Variants in SLX4 observed in about 807,000 individuals in gnomAD.
SLX4 encodes structure-specific endonuclease subunit SLX4.
A neutral mutation model predicts 146.2 loss-of-function variants in SLX4; 112 were observed. That is an observed-to-expected ratio of 0.77 (90% CI 0.66 to 0.90). The LOEUF (loss-of-function observed/expected upper bound fraction) is 0.90, where lower values mean the gene tolerates loss of function less well. Among genes scored for constraint, SLX4 ranks in the 40% least tolerant of loss-of-function variants. The pLI is 0.00. For synonymous variants in SLX4, 1,061 were observed against 997.7 expected (o/e 1.06, Z -1.20); for missense variants, 2,563 against 2,392.7 (o/e 1.07, Z -1.49).
At chr16:3,602,500 C>T (rs1043778097) in intron 3 of SLX4, among the ~76,000 whole-genome samples, 193 bp from the exon 4 acceptor site, 1 of 152,214 alleles carries the variant, frequency 6.6e-6, no homozygotes, top group African/African-American at 2.4e-5. Context: ...ACTCCGGGAA[C>T]AGCCGTCTCC....
At position 3,591,311 on chromosome 16, in the gene SLX4, C is replaced by A; in HGVS notation, c.2328-1G>T. On this transcript the variant is annotated splice_acceptor_variant, in intron 11 of 14. Transcript: ENST00000294008. LOFTEE classifies it high-confidence loss of function. Reference sequence around the variant, plus strand: ...GTGAACGAGCTCACTCACGCCAAACCTGCAACACGAAACATCGACAGTCAT... The same window carrying A: ...GTGAACGAGCTCACTCACGCCAAACATGCAACACGAAACATCGACAGTCAT... The A allele has an allele frequency of 6.2e-7, 1 of 1,610,544 alleles. No individual in the cohort carries two copies. Among genetic ancestry groups the A allele is most frequent in the Non-Finnish European group, 8.5e-7 (1 of 1,180,022 alleles).
intron 13 of SLX4, among the ~76,000 whole-genome samples, chr16:3,584,135 G>C (rs2040477723): frequency 1.3e-5 from 2 of 151,472 alleles, no homozygotes; most frequent in Admixed American, 1.3e-4. Context: ...AAAAAAATCA[G>C]GCCTCCGCCG....
chr16:3,587,476 C>T (rs1169297256), intron 12 of SLX4, among the ~76,000 whole-genome samples: 2 of 152,272 alleles, frequency 1.3e-5, no homozygotes, highest in African/African-American at 2.4e-5. Flanking sequence ...AGCCTGGTGA[C>T]ACATTGGAAA....
Position 3,590,507 on chromosome 16 carries a change from C to T in SLX4, c.3131G>A (p.Ser1044Asn), listed in dbSNP as rs1454172454. The T allele has an allele frequency of 1.2e-6, 2 of 1,613,636 alleles. No individual in the cohort carries two copies. Among genetic ancestry groups the T allele is most frequent in the South Asian group, 1.1e-5 (1 of 91,082 alleles). The change falls in exon 12 of 15, where the codon AGT becomes AAT. Residue 1044 changes from serine to asparagine, a missense_variant. Transcript: ENST00000294008. This position sits in a 1 kb window ranked among gnomAD's most constrained non-coding sequence, Gnocchi z 4.8. ...RFLLGPPQGG[S>N]PRGSHHTSGS... The stretch of plus-strand genomic sequence containing the variant: ...ACTTGTGTGATGAGACCCGCGGGGA[C>T]TCCCGCCCTGGGGAGGCCCCAATAG...
chr16:3,593,538 C>G (rs1189988983), intron 10 of SLX4, among the ~76,000 whole-genome samples: 1 of 152,188 alleles, frequency 6.6e-6, no homozygotes, highest in Non-Finnish European at 1.5e-5. Flanking sequence ...AAAGCAGCTC[C>G]ATGCCCCAGG....
intron 10 of SLX4, 21 bp downstream of exon 10, chr16:3,594,432 C>A (rs1329630516): frequency 6.2e-7 from 1 of 1,606,086 alleles, no homozygotes; most frequent in East Asian, 2.2e-5. Context: ...AAGGAGGGCA[C>A]ACGGCAGCCC....
chr16:3,608,626 A>G lies in SLX4; in HGVS notation c.339T>C (p.Ser113=), dbSNP rs144326379. 1,276 of 1,614,080 alleles carry G rather than the reference A, an allele frequency of 7.9e-4. No homozygotes were observed. Among genetic ancestry groups the G allele is most frequent in the Non-Finnish European group, 1.0e-3 (1,222 of 1,180,038 alleles). The change falls in exon 2 of 15, where the codon TCT becomes TCC. Residue 113 remains serine (S), a synonymous_variant. Coordinates refer to ENST00000294008, the MANE Select transcript of SLX4 (RefSeq NM_032444.4). ...TTTTAGTCCTAGGGGCCTGGCTGCCAGACGGAGGTTTCTTCTCTGCAGGGC... is the reference window on the plus strand; with the variant it reads ...TTTTAGTCCTAGGGGCCTGGCTGCCGGACGGAGGTTTCTTCTCTGCAGGGC... ...LQGPAEKKPP[S]GSQAPRTKKQ... is the part of the protein sequence containing the mutation.
At chr16:3,588,231 C>G (rs1383296587) in intron 12 of SLX4, among the ~76,000 whole-genome samples, 2 of 152,224 alleles carry the variant, frequency 1.3e-5, no homozygotes, top group Non-Finnish European at 2.9e-5. Flanking sequence ...AGCAGTCACT[C>G]CCCATTCCCC....
At chr16:3,604,777 G>A (rs893685462) in intron 3 of SLX4, among the ~76,000 whole-genome samples, 6 of 145,668 alleles carry the variant, frequency 4.1e-5, no homozygotes, top group East Asian at 2.0e-4. Flanking sequence ...CCGAGATTGC[G>A]CCACTGCACC....
chr16:3,582,181 G>T lies in SLX4; in HGVS notation c.*161C>A. The T allele has an allele frequency of 1.6e-6, 1 of 633,742 alleles. No homozygotes were observed. Among genetic ancestry groups the T allele is most frequent in the Non-Finnish European group, 2.8e-6 (1 of 361,728 alleles). The allele number at this position is 633,742 out of a possible 1,614,324, so 39.3% of individuals were successfully genotyped here. On this transcript the variant is annotated 3_prime_UTR_variant, in exon 15 of 15. Coordinates refer to ENST00000294008, the MANE Select transcript of SLX4 (RefSeq NM_032444.4). ...GCAGAGCCCAGAGGAGGAAGCCCTG[G>T]ATTGGGCTGTGGTCATCATCACAGC...
At chr16:3,582,759 C>G (rs1362983259) in intron 14 of SLX4, 66 bp from the exon 15 acceptor site, 2 of 1,434,862 alleles carry the variant, frequency 1.4e-6, no homozygotes, top group African/African-American at 2.8e-5. Flanking sequence ...CCATGAGCCT[C>G]TTTAAAGGAA....
chr16:3,598,023 G>A, intron 5 of SLX4, 24 bp from the exon 6 acceptor site: 3 of 1,614,030 alleles, frequency 1.9e-6, no homozygotes, highest in Non-Finnish European at 2.5e-6. Context: ...AAAGAGAAAA[G>A]TTACTGGGGC....
intron 2 of SLX4, among the ~76,000 whole-genome samples, chr16:3,606,994 G>A (rs2040793359): frequency 6.6e-6 from 1 of 152,168 alleles, no homozygotes; most frequent in South Asian, 2.1e-4. Context: ...GGACAAGTCT[G>A]TGAATATACT....
chr16:3,582,256 C>A lies in SLX4; in HGVS notation c.*86G>T. ...CCAGAAATGCCTGTGGAGGCCTGAC[C>A]CACGCTGGGTGTCCCAGGTCCTCCC... On this transcript the variant is annotated 3_prime_UTR_variant, in exon 15 of 15. Coordinates refer to ENST00000294008, the MANE Select transcript of SLX4 (RefSeq NM_032444.4). The A allele has an allele frequency of 8.2e-7, 1 of 1,222,762 alleles. No homozygotes were observed. Among genetic ancestry groups the A allele is most frequent in the Non-Finnish European group, 1.2e-6 (1 of 865,078 alleles). 75.7% of individuals were successfully genotyped at this position (1,222,762 alleles called of 1,614,324 possible).
In SLX4 at chr16:3,589,393, C is replaced by T; in HGVS notation, c.4245G>A (p.Leu1415=). 1 of 1,598,554 alleles carries T rather than the reference C, an allele frequency of 6.3e-7. No individual in the cohort carries two copies. Among genetic ancestry groups the T allele is most frequent in the African/African-American group, 1.3e-5 (1 of 74,720 alleles). ...ASHQANRSPP[L]DSDPPIPIDD... is the part of the protein sequence containing the mutation. ...CAATTGGAATTGGGGGGTCACTGTC[C>T]AGTGGGGGGCTTCTGTTGGCCTGAT... Residue 1415 remains leucine (L), a synonymous_variant, in exon 12 of 15, where the codon CTG becomes CTA. Coordinates refer to ENST00000294008, the MANE Select transcript of SLX4 (RefSeq NM_032444.4). The surrounding 1 kb of genome is among the most constrained non-coding windows in gnomAD (Gnocchi z 6.2).
In SLX4 at chr16:3,600,903, A is replaced by ATTTT. The variant is rs1346093546; in HGVS notation, c.1163+75_1163+76insAAAA. 7.9e-6 allele frequency: 12 copies of ATTTT among 1,524,388 alleles called. No individual in the cohort carries two copies. In the African/African-American group the frequency reaches 1.5e-4, roughly 19 times the overall value. The allele number at this position is 1,524,388 out of a possible 1,614,324, so 94.4% of individuals were successfully genotyped here. On this transcript the variant is annotated intron_variant, in intron 5 of 14. Transcript: ENST00000294008. ...GAACTACTGCGTCCAGCCCATAAAA[A>ATTTT]GCTTTTTTAAATAGAAAAAGCCCTG...
intron 4 of SLX4, chr16:3,601,837 G>A: frequency 2.3e-6 from 1 of 433,370 alleles, no homozygotes; most frequent in East Asian, 4.7e-5. Context: ...ATGGGTGTGG[G>A]GATTCTTTTG....
At chr16:3,595,801 G>A in intron 8 of SLX4, 108 bp from the exon 9 acceptor site, 3 of 1,281,492 alleles carry the variant, frequency 2.3e-6, no homozygotes, top group Non-Finnish European at 2.2e-6. Flanking sequence ...TGCCTCGGAA[G>A]GTGCTTGCTA....
intron 5 of SLX4, chr16:3,600,696 G>C: frequency 2.7e-6 from 1 of 372,294 alleles, no homozygotes; most frequent in Admixed American, 3.9e-5. Flanking sequence ...TACCTTCTGG[G>C]TTCAAGTGAT....
Sources: gnomAD v4.1 joint callset for allele counts (sites outside exome capture counted in the v4.1 genomes callset) on GRCh38, gnomAD v4.1.1 for gene constraint, Gnocchi (gnomAD v3.1) non-coding constraint, MANE v1.5 for transcripts, NCBI Gene and HGNC (gene_info 2026-07-23, HGNC 2026-07-21) for gene names.